Variants in ABCG1 observed in about 807,000 individuals in gnomAD.
ABCG1 encodes ATP binding cassette subfamily G member 1.
Under a neutral mutation model 69.2 loss-of-function variants are expected in ABCG1, and 29 were observed. The ratio of observed to expected loss-of-function variants is 0.42; its 90% CI spans 0.31 to 0.57. The LOEUF (loss-of-function observed/expected upper bound fraction) is 0.57. Ranked by LOEUF, ABCG1 falls within the 20% of genes least tolerant of loss-of-function variation. ABCG1 has a pLI of 0.15. For synonymous variants in ABCG1, 370 were observed against 374.8 expected (o/e 0.99, Z 0.15); for missense variants, 718 against 898.1 (o/e 0.80, Z 2.56).
Position 42,288,147 on chromosome 21 carries a change from G to C in ABCG1, c.1123-64G>C, listed in dbSNP as rs773278042. 26 of 1,610,712 alleles carry C rather than the reference G, an allele frequency of 1.6e-5. No individual in the cohort carries two copies. The highest frequency in any genetic ancestry group is 4.2e-6 in the Non-Finnish European group (5 of 1,177,040). ...GCACTGCTGCATGAGAGCTCTTTCC[G>C]AGCAAGAAGGAGCCGTGGCTCCGGA... On this transcript the variant is annotated intron_variant, in intron 9 of 14. Transcript: ENST00000398449. The surrounding 1 kb of genome is among the most constrained non-coding windows in gnomAD (Gnocchi z 4.8).
rs776142726 is a variant in ABCG1 at position 42,287,990 on chromosome 21, G to T, written c.1075G>T (p.Gly359Cys). 2.3e-5 allele frequency: 37 copies of T among 1,613,466 alleles called. No homozygotes were observed. The highest frequency in any genetic ancestry group is 3.0e-5 in the Non-Finnish European group (35 of 1,179,678). ...CTCAGACCACAAGAGAGACCTCGGG[G>T]GTGATGCCGAGGTGAACCCTTTTCT... ...CDSDHKRDLG[G>C]DAEVNPFLWH... Residue 359 changes from glycine to cysteine, a missense_variant, in exon 9 of 15, where the codon GGT becomes TGT. This residue lies in a region of ABCG1 where 514 missense variants were observed against 574.3 expected (regional missense o/e 0.90). Transcript: ENST00000398449. The surrounding 1 kb of genome is among the most constrained non-coding windows in gnomAD (Gnocchi z 6.2).
intron 2 of ABCG1, 106 bp downstream of exon 2, chr21:42,226,020 T>G: frequency 7.6e-6 from 10 of 1,319,514 alleles, no homozygotes; most frequent in Non-Finnish European, 1.0e-5. Flanking sequence ...GCTGAGCTTC[T>G]CTTCCCAACG....
intron 2 of ABCG1, among the ~76,000 whole-genome samples, chr21:42,240,658 G>A (rs2068038169): frequency 6.6e-6 from 1 of 152,252 alleles, no homozygotes; most frequent in African/African-American, 2.4e-5. Context: ...ATGTTGGCCA[G>A]GCCGGTCTCG....
At chr21:42,289,118 T>C (rs1004702352) in intron 10 of ABCG1, among the ~76,000 whole-genome samples, 18 of 152,160 alleles carry the variant, frequency 1.2e-4, no homozygotes, top group Admixed American at 1.0e-3. Flanking sequence ...TCAAATTACT[T>C]TTCTTCTATT....
chr21:42,236,241 G>A (rs225442), intron 2 of ABCG1, among the ~76,000 whole-genome samples: 6,152 of 152,308 alleles, frequency 0.04, 422 homozygotes, highest in African/African-American at 0.14. Flanking sequence ...GCTGCCTGCC[G>A]AGTCACTTCT....
intron 5 of ABCG1, among the ~76,000 whole-genome samples, chr21:42,277,458 C>T (rs961621493): frequency 1.3e-5 from 2 of 149,194 alleles, no homozygotes; most frequent in African/African-American, 5.1e-5. Context: ...ACTTTCTAAT[C>T]CCTTTAGCCA....
chr21:42,268,000 T>C (rs1012125982), intron 2 of ABCG1, among the ~76,000 whole-genome samples: 11 of 152,124 alleles, frequency 7.2e-5, no homozygotes, highest in African/African-American at 2.7e-4. Flanking sequence ...GCCTGGGTTG[T>C]GTCTAAGCTC....
intron 2 of ABCG1, among the ~76,000 whole-genome samples, chr21:42,233,804 G>A (rs2067935756): frequency 6.6e-6 from 1 of 152,270 alleles, no homozygotes; most frequent in Non-Finnish European, 1.5e-5. Flanking sequence ...GGTTCTTGCT[G>A]TCTGTAAACT....
intron 2 of ABCG1, among the ~76,000 whole-genome samples, chr21:42,204,378 A>G (rs1272282586): frequency 2.0e-5 from 3 of 152,212 alleles, no homozygotes; most frequent in Non-Finnish European, 2.9e-5. Context: ...TATTAACTGT[A>G]GATTTCTTGA....
At chr21:42,247,783 C>T (rs2068155103) in intron 2 of ABCG1, among the ~76,000 whole-genome samples, 1 of 152,136 alleles carries the variant, frequency 6.6e-6, no homozygotes, top group Non-Finnish European at 1.5e-5. Flanking sequence ...AAGAAAAAGT[C>T]ACAGAGATGC....
At chr21:42,271,844 A>G (rs2068623694) in intron 3 of ABCG1, among the ~76,000 whole-genome samples, 3 of 152,220 alleles carry the variant, frequency 2.0e-5, no homozygotes, top group African/African-American at 4.8e-5. Context: ...AGATCACACC[A>G]CTGCACTCCA....
intron 2 of ABCG1, among the ~76,000 whole-genome samples, chr21:42,240,434 A>G (rs1225563822): frequency 1.3e-5 from 2 of 152,208 alleles, no homozygotes; most frequent in African/African-American, 4.8e-5. Context: ...CTTCACACTT[A>G]TGGCTTAAAA....
In ABCG1 at chr21:42,273,320, G is replaced by C. The variant is rs1404869864; in HGVS notation, c.422G>C (p.Gly141Ala). The change falls in exon 4 of 15, where the codon GGG becomes GCG. Residue 141 changes from glycine (G) to alanine (A), a missense_variant. Transcript: ENST00000398449. The surrounding 1 kb of genome is among the most constrained non-coding windows in gnomAD (Gnocchi z 5.3). ...LAGYRETGMK[G>A]AVLINGLPRD... ...TTCTGCAGGGAGACGGGCATGAAGG[G>C]GGCCGTCCTCATCAACGGCCTGCCC... The C allele has an allele frequency of 6.2e-7, 1 of 1,613,294 alleles. No individual in the cohort carries two copies. The highest frequency in any genetic ancestry group is 1.3e-5 in the African/African-American group (1 of 74,908).
rs764114124 is a variant in ABCG1 at position 42,294,666 on chromosome 21, G to GGGCGTGGGGCACGCAT, written c.1772+16_1772+31dup. 1.2e-6 allele frequency: 2 copies of GGGCGTGGGGCACGCAT among 1,612,044 alleles called. No individual in the cohort carries two copies. Among genetic ancestry groups the GGGCGTGGGGCACGCAT allele is most frequent in the South Asian group, 1.1e-5 (1 of 91,048 alleles). On this transcript the variant is annotated splice_region_variant and intron_variant, in intron 14 of 14. Transcript: ENST00000398449. ...TCCTACATCTCCTATGTCAGGTAGC[G>GGGCGTGGGGCACGCAT]GGCGTGGGGCACGCATGGCGTGGGG...
chr21:42,237,764 T>C (rs2067998067), intron 2 of ABCG1, among the ~76,000 whole-genome samples: 1 of 152,222 alleles, frequency 6.6e-6, no homozygotes, highest in Admixed American at 6.5e-5. Context: ...GTCAAACCCA[T>C]GAGCCACCTC....
rs2276234 is a variant in ABCG1, at chr21:42,294,686, G to A, written c.1772+26G>A. 2.2e-5 allele frequency: 35 copies of A among 1,599,336 alleles called. 1 individual carries two copies. The East Asian group carries it at 2.5e-4, about 11-fold the overall frequency. On this transcript the variant is annotated intron_variant, in intron 14 of 14. Transcript: ENST00000398449. Reference sequence around the variant, plus strand: ...GTAGCGGGCGTGGGGCACGCATGGCGTGGGGACCGAGGGTGACGGGGGAAG... The same window carrying A: ...GTAGCGGGCGTGGGGCACGCATGGCATGGGGACCGAGGGTGACGGGGGAAG...
At chr21:42,216,846 G>A (rs1325002755), upstream of ABCG1, among the ~76,000 whole-genome samples, 1 of 152,228 alleles carries the variant, frequency 6.6e-6, no homozygotes, top group Non-Finnish European at 1.5e-5. Flanking sequence ...GAACACAGCA[G>A]TGACTACAGT....
intron 8 of ABCG1, among the ~76,000 whole-genome samples, chr21:42,286,313 T>C (rs2068939201): frequency 6.6e-6 from 1 of 152,204 alleles, no homozygotes; most frequent in African/African-American, 2.4e-5. Context: ...CCTAATTACC[T>C]CTGCAAAGAT....
chr21:42,268,326 C>T lies in ABCG1; in HGVS notation c.287-2744C>T, dbSNP rs1175415768. Among the ~76,000 whole-genome samples, 8 of 150,642 alleles carry T rather than the reference C, an allele frequency of 5.3e-5. No homozygotes were observed. In the East Asian group the frequency reaches 5.9e-4, roughly 11 times the overall value. ...AATGGGAACCAAGTGGAGGACTCTG[C>T]GGGGAGGGTGATTTCCTTACATAAA... On this transcript the variant is annotated intron_variant, in intron 2 of 14. Coordinates refer to ENST00000398449, the MANE Select transcript of ABCG1 (RefSeq NM_016818.3).
Sources: allele counts gnomAD v4.1 joint callset (sites outside exome capture counted in the v4.1 genomes callset), GRCh38; gene constraint gnomAD v4.1.1; regional missense constraint gnomAD v4.1.1; non-coding constraint Gnocchi (gnomAD v3.1); transcripts MANE v1.5; gene names NCBI Gene and HGNC (gene_info 2026-07-23, HGNC 2026-07-21).